The following LINGO2 variants were observed in gnomAD, a reference collection of about 807,000 sequenced individuals.
The protein encoded by LINGO2 is leucine-rich repeat and immunoglobulin-like domain-containing nogo receptor-interacting protein 2.
Under a neutral mutation model 30.6 loss-of-function variants are expected in LINGO2, and 14 were observed. The observed-to-expected ratio is 0.46, with a 90% CI of 0.30 to 0.72. The LOEUF (loss-of-function observed/expected upper bound fraction) is 0.72, where lower values mean the gene tolerates loss of function less well. Ranked by LOEUF, LINGO2 falls within the 30% of genes least tolerant of loss-of-function variation. The pLI is 0.07. For missense variants in LINGO2, 729 were observed against 751.7 expected (o/e 0.97, Z 0.35); for synonymous variants, 317 against 288.5 (o/e 1.10, Z -1.00).
chr9:29,197,457 A>G, the LINGO2 span, among the ~76,000 whole-genome samples: 1 of 152,002 alleles, frequency 6.6e-6, no homozygotes, highest in African/African-American at 2.4e-5. Flanking sequence ...TACATGAGGG[A>G]CTGTGAATCA....
At chr9:28,640,496 A>G (rs1827518890) in intron 1 of LINGO2, among the ~76,000 whole-genome samples, 1 of 138,056 alleles carries the variant, frequency 7.2e-6, no homozygotes, top group Non-Finnish European at 1.6e-5. Context: ...ACAGTCCCAT[A>G]TTTCTTGGAG....
chr9:28,629,928 C>T (rs1028946448), intron 1 of LINGO2, among the ~76,000 whole-genome samples: 8 of 149,216 alleles, frequency 5.4e-5, no homozygotes, highest in South Asian at 2.1e-4. Context: ...CCCCATCCCC[C>T]GACCCCACAA....
chr9:28,914,346 G>A, the LINGO2 span, among the ~76,000 whole-genome samples: 1 of 152,232 alleles, frequency 6.6e-6, no homozygotes, highest in South Asian at 2.1e-4. Context: ...TTAAAGTAAG[G>A]TTATGGACTT....
At chr9:27,983,079 T>C (rs1258421268) in intron 5 of LINGO2, among the ~76,000 whole-genome samples, 2 of 151,822 alleles carry the variant, frequency 1.3e-5, no homozygotes, top group Admixed American at 6.6e-5. Flanking sequence ...CCTTGAAACA[T>C]TTTCATACGT....
chr9:28,344,215 C>A (rs1010565149), intron 3 of LINGO2, among the ~76,000 whole-genome samples: 1 of 151,962 alleles, frequency 6.6e-6, no homozygotes, highest in Admixed American at 6.6e-5. Context: ...GAAAAACAAC[C>A]TGGATCTTTT....
intron 3 of LINGO2, among the ~76,000 whole-genome samples, chr9:28,317,811 G>A (rs1824897893): frequency 6.6e-6 from 1 of 152,130 alleles, no homozygotes; most frequent in African/African-American, 2.4e-5. Context: ...CTCCCTGTCT[G>A]CTAATTTAAG....
chr9:28,934,200 G>T, the LINGO2 span, among the ~76,000 whole-genome samples: 1 of 152,184 alleles, frequency 6.6e-6, no homozygotes, highest in African/African-American at 2.4e-5. Flanking sequence ...GCCCACACAT[G>T]ACTTTAAATT....
At chr9:29,204,185 CA>C in the LINGO2 span, among the ~76,000 whole-genome samples, 2 of 152,058 alleles carry the variant, frequency 1.3e-5, no homozygotes, top group South Asian at 4.1e-4. Context: ...AGATATGAAG[CA>C]AAATTAGGTA....
At chr9:28,726,549 G>A in the LINGO2 span, among the ~76,000 whole-genome samples, 2 of 152,220 alleles carry the variant, frequency 1.3e-5, no homozygotes, top group Non-Finnish European at 2.9e-5. Context: ...TAAATGGCAA[G>A]GTGTAGTATA....
At chr9:28,327,128 C>T (rs2134326610) in intron 3 of LINGO2, among the ~76,000 whole-genome samples, 1 of 152,212 alleles carries the variant, frequency 6.6e-6, no homozygotes, top group East Asian at 1.9e-4. Context: ...TGTGAAGATG[C>T]AGTAAGAAGG....
chr9:28,365,725 G>T (rs1366505611), intron 3 of LINGO2, among the ~76,000 whole-genome samples: 2 of 151,738 alleles, frequency 1.3e-5, no homozygotes, highest in Non-Finnish European at 2.9e-5. Flanking sequence ...TTAAAGAATG[G>T]GGACAAGAGC....
intron 4 of LINGO2, among the ~76,000 whole-genome samples, chr9:28,054,787 CTTAATTT>C (rs140878243): frequency 0.041 from 6,274 of 151,852 alleles, 207 homozygotes; most frequent in African/African-American, 0.09. Flanking sequence ...CAGGCTATAA[CTTAATTT>C]TTAATTTTCA....
At chr9:29,128,995 G>C in the LINGO2 span, among the ~76,000 whole-genome samples, 5 of 152,106 alleles carry the variant, frequency 3.3e-5, no homozygotes, top group African/African-American at 1.2e-4. Flanking sequence ...CTTTAGAATT[G>C]TCAGCATATA....
At chr9:28,985,484 A>G in the LINGO2 span, among the ~76,000 whole-genome samples, 1 of 152,124 alleles carries the variant, frequency 6.6e-6, no homozygotes. Context: ...TCCCACCAAC[A>G]GGGTACAAAA....
chr9:28,384,329 C>CTATATATATATATATATATATATATATA (rs3064858), intron 2 of LINGO2, among the ~76,000 whole-genome samples: 33 of 123,330 alleles, frequency 2.7e-4, no homozygotes, highest in Non-Finnish European at 3.6e-4. Context: ...ATGTTATGCA[C>CTATATATATATATATATATATATATATA]TATATATATA....
chr9:28,824,280 T>C, the LINGO2 span, among the ~76,000 whole-genome samples: 1 of 152,122 alleles, frequency 6.6e-6, no homozygotes, highest in Non-Finnish European at 1.5e-5. Context: ...TGGAACAAGA[T>C]AGAATATCTG....
chr9:29,121,959 T>C, the LINGO2 span, among the ~76,000 whole-genome samples: 8 of 152,104 alleles, frequency 5.3e-5, no homozygotes, highest in Non-Finnish European at 1.2e-4. Flanking sequence ...AGTTTATGCA[T>C]ATTATTTGGA....
At chr9:28,233,058 AT>A (rs1564062959) in intron 4 of LINGO2, among the ~76,000 whole-genome samples, 10 of 126,272 alleles carry the variant, frequency 7.9e-5, no homozygotes, top group African/African-American at 9.6e-5. Flanking sequence ...ATATATATAT[AT>A]ATTAGATATA....
chr9:28,978,291 G>T, the LINGO2 span, among the ~76,000 whole-genome samples: 2 of 152,102 alleles, frequency 1.3e-5, no homozygotes, highest in African/African-American at 4.8e-5. Context: ...TCTTCTCCCT[G>T]GGGTGGAGTG....
Sources: gnomAD v4.1 joint callset for allele counts (sites outside exome capture counted in the v4.1 genomes callset) on GRCh38, gnomAD v4.1.1 for gene constraint, MANE v1.5 for transcripts, NCBI Gene and HGNC (gene_info 2026-07-23, HGNC 2026-07-21) for gene names.